Variants in NELFA observed in about 807,000 individuals in gnomAD.
NELFA encodes the protein negative elongation factor A.
A neutral mutation model predicts 51.8 loss-of-function variants in NELFA; 35 were observed. The ratio of observed to expected loss-of-function variants is 0.68; its 90% CI spans 0.52 to 0.90. The LOEUF (loss-of-function observed/expected upper bound fraction) is 0.90, where lower values mean the gene tolerates loss of function less well. Among genes scored for constraint, NELFA ranks in the 40% least tolerant of loss-of-function variants. The pLI is 0.00. For missense variants in NELFA, 658 were observed against 746.4 expected (o/e 0.88, Z 1.38); for synonymous variants, 417 against 338.4 (o/e 1.23, Z -2.55).
chr4:1,984,843 G>C lies in NELFA; in HGVS notation c.1001C>G (p.Ala334Gly). ...YLPSTPSVVP[A>G]SSYIPSSETP... ...CTCGGAGCTGGGGATGTAGGAGGAG[G>C]CGGGAACCACGCTGGGCGTGGAGGG... Residue 334 changes from alanine to glycine, a missense_variant, in exon 8 of 11, where the codon GCC becomes GGC. Coordinates refer to ENST00000382882, the MANE Select transcript of NELFA (RefSeq NM_005663.5). 1 of 1,573,596 alleles carries C rather than the reference G, an allele frequency of 6.4e-7. No individual in the cohort carries two copies. Among genetic ancestry groups the C allele is most frequent in the South Asian group, 1.2e-5 (1 of 85,256 alleles).
intron 9 of NELFA, 30 bp from the exon 10 acceptor site, chr4:1,983,725 G>C: frequency 8.1e-6 from 13 of 1,611,434 alleles, no homozygotes; most frequent in Non-Finnish European, 1.1e-5. Flanking sequence ...GTGGGTGCCA[G>C]GGCCCCGCCA....
intron 1 of NELFA, chr4:2,003,727 T>A (rs1728634585): frequency 6.6e-6 from 1 of 150,996 alleles, no homozygotes; most frequent in Non-Finnish European, 1.5e-5. Context: ...CACCAGGGCC[T>A]AATAGGGGTG....
In NELFA at chr4:1,991,655, G is replaced by C; in HGVS notation, c.271C>G (p.Leu91Val). Residue 91 changes from leucine to valine, a missense_variant, in exon 2 of 11, where the codon CTC (leucine) becomes GTC (valine). By Grantham distance (32) the Leu-to-Val change is conservative. Around this residue, in one of 3 missense-constraint regions of NELFA, gnomAD observed 371 missense variants for 448.3 expected, o/e 0.83. Transcript: ENST00000382882. ...LASLDSDPWV[L>V]MVADILKSFP... is the part of the protein sequence containing the mutation. ...GACTTCAAGATGTCGGCGACCATGA[G>C]CACCCAGGGGTCCGAGTCGAGGCTG... 6.2e-7 allele frequency: 1 copy of C among 1,613,810 alleles called. No homozygotes were observed. Among genetic ancestry groups the C allele is most frequent in the Non-Finnish European group, 8.5e-7 (1 of 1,179,926 alleles).
At chr4:2,002,146 G>A (rs1048777844) in intron 1 of NELFA, among the ~76,000 whole-genome samples, 2 of 151,892 alleles carry the variant, frequency 1.3e-5, no homozygotes, top group Non-Finnish European at 2.9e-5. Flanking sequence ...CTTGCAATGA[G>A]CCAAGATCGC....
At chr4:2,003,542 G>A (rs899545497) in intron 1 of NELFA, among the ~76,000 whole-genome samples, 10 of 152,288 alleles carry the variant, frequency 6.6e-5, no homozygotes, top group Admixed American at 2.6e-4. Flanking sequence ...GGAATACTAC[G>A]CAGCCATAAA....
At position 1,983,667 on chromosome 4, in the gene NELFA, A is replaced by G; in HGVS notation, c.1331T>C (p.Met444Thr). The change falls in exon 10 of 11, where the codon ATG becomes ACG. Residue 444 changes from methionine (M) to threonine (T), a missense_variant. Met to Thr is a moderately conservative substitution (Grantham distance 81, BLOSUM62 -1). This residue lies in a region of NELFA where 87 missense variants were observed against 130.2 expected (regional missense o/e 0.67). Coordinates refer to ENST00000382882, the MANE Select transcript of NELFA (RefSeq NM_005663.5). ...CGTGACTTTGTTGGCCGTCTTGAACATCTCCTGGGCAGCGAACATCTGCTC... is the reference window on the plus strand; with the variant it reads ...CGTGACTTTGTTGGCCGTCTTGAACGTCTCCTGGGCAGCGAACATCTGCTC... ...TREQMFAAQE[M>T]FKTANKVTRP... 6.2e-7 allele frequency: 1 copy of G among 1,614,022 alleles called. No homozygotes were observed.
chr4:1,991,293 G>A (rs1220619722), intron 2 of NELFA, among the ~76,000 whole-genome samples: 1 of 152,132 alleles, frequency 6.6e-6, no homozygotes, highest in South Asian at 2.1e-4. Flanking sequence ...GGCGAGTGGC[G>A]TGACACAGCC....
At chr4:2,002,528 AAC>A (rs1167526914) in intron 1 of NELFA, among the ~76,000 whole-genome samples, 7 of 152,210 alleles carry the variant, frequency 4.6e-5, no homozygotes, top group Non-Finnish European at 7.3e-5. Context: ...CTGGTACCAC[AAC>A]AGACCTACAG....
chr4:2,003,708 A>C (rs1239832016), intron 1 of NELFA: 1 of 152,174 alleles, frequency 6.6e-6, no homozygotes, highest in Non-Finnish European at 1.5e-5. Context: ...CAGAGAGGGG[A>C]ACAACACACA....
At chr4:2,008,285 G>A (rs983987518) in intron 1 of NELFA, among the ~76,000 whole-genome samples, 1 of 151,900 alleles carries the variant, frequency 6.6e-6, no homozygotes, top group African/African-American at 2.4e-5. Context: ...GAAGGCGGGG[G>A]AGGCGGGGGC....
chr4:2,001,671 G>C (rs975494981), intron 1 of NELFA, among the ~76,000 whole-genome samples: 7 of 152,240 alleles, frequency 4.6e-5, no homozygotes, highest in African/African-American at 1.2e-4. Flanking sequence ...GGGAGGCTGA[G>C]GCAGGCAGAT....
intron 7 of NELFA, 134 bp downstream of exon 7, chr4:1,985,642 T>C (rs1042208758): frequency 8.9e-6 from 6 of 674,586 alleles, no homozygotes; most frequent in Non-Finnish European, 1.5e-5. Context: ...TATACGTATA[T>C]ATACATAAAT....
At position 1,983,987 on chromosome 4, in the gene NELFA, G is replaced by A. The variant is rs370850254; in HGVS notation, c.1163C>T (p.Pro388Leu). Reference sequence around the variant, plus strand: ...TGTCAGAGGCGAGGTGGGCGCCGCAGGCGTGGGTGTGGCAGGGCTCAGGCC... The same window carrying A: ...TGTCAGAGGCGAGGTGGGCGCCGCAAGCGTGGGTGTGGCAGGGCTCAGGCC... Reference protein sequence around the residue: ...NSGLSPATPTPAAPTSPLTPT... With the variant: ...NSGLSPATPTLAAPTSPLTPT... Residue 388 changes from proline to leucine, a missense_variant, in exon 9 of 11, where the codon CCT becomes CTT. Around this residue, in one of 3 missense-constraint regions of NELFA, gnomAD observed 200 missense variants for 167.9 expected, o/e 1.19. Coordinates refer to ENST00000382882, the MANE Select transcript of NELFA (RefSeq NM_005663.5). 1 of 1,609,856 alleles carries A rather than the reference G, an allele frequency of 6.2e-7. No homozygotes were observed.
chr4:1,989,807 G>A lies in NELFA; in HGVS notation c.445C>T (p.Leu149=). 1 of 1,614,202 alleles carries A rather than the reference G, an allele frequency of 6.2e-7. No homozygotes were observed. Among genetic ancestry groups the A allele is most frequent in the Non-Finnish European group, 8.5e-7 (1 of 1,180,040 alleles). ...LECQYLNKNA[L]TTLAGPLTPP... ...GTGAGGGGTCCCGCGAGGGTCGTCA[G>A]GGCGTTTTTGTTCAAGTACTGGCAC... Residue 149 remains leucine (L), a synonymous_variant, in exon 3 of 11, where the codon CTG becomes TTG. Transcript: ENST00000382882. The surrounding 1 kb of genome is among the most constrained non-coding windows in gnomAD (Gnocchi z 4.8).
rs574248860 is a variant in NELFA, at chr4:1,998,347, CAAT to C, written c.211-6635_211-6633del. ...AGAAGATGGGTAATAAAAAAAAAAA[CAAT>C]GATGAACTAAAGGAGCATGTTCTAT... On this transcript the variant is annotated intron_variant, in intron 1 of 10. Coordinates refer to ENST00000382882, the MANE Select transcript of NELFA (RefSeq NM_005663.5). Among the ~76,000 whole-genome samples the C allele has an allele frequency of 1.1e-3, 173 of 151,090 alleles. 1 individual carries two copies. The highest frequency in any genetic ancestry group is 3.6e-3 in the African/African-American group (147 of 41,218).
intron 3 of NELFA, among the ~76,000 whole-genome samples, chr4:1,988,870 C>T (rs1219179663): frequency 2.0e-5 from 3 of 151,958 alleles, no homozygotes; most frequent in Non-Finnish European, 2.9e-5. Context: ...TGCCCAACAG[C>T]GTGACTCAGC....
chr4:1,997,454 G>C (rs1231080600), intron 1 of NELFA, among the ~76,000 whole-genome samples: 1 of 152,170 alleles, frequency 6.6e-6, no homozygotes, highest in Non-Finnish European at 1.5e-5. Context: ...GACCAATTTA[G>C]GTTTACCGCA....
At chr4:2,002,643 T>C (rs1560884159) in intron 1 of NELFA, among the ~76,000 whole-genome samples, 2 of 152,210 alleles carry the variant, frequency 1.3e-5, no homozygotes, top group Non-Finnish European at 2.9e-5. Context: ...AAGGATCTTC[T>C]ATTCAGTAAA....
intron 1 of NELFA, among the ~76,000 whole-genome samples, chr4:1,994,992 A>G (rs1039700582): frequency 6.6e-6 from 1 of 152,234 alleles, no homozygotes; most frequent in African/African-American, 2.4e-5. Context: ...GCCATGGGGC[A>G]CCTGGACAGT....
Sources: gnomAD v4.1 joint callset for allele counts (sites outside exome capture counted in the v4.1 genomes callset) on GRCh38, gnomAD v4.1.1 for gene constraint, gnomAD v4.1.1 regional missense constraint, Gnocchi (gnomAD v3.1) non-coding constraint, MANE v1.5 for transcripts, NCBI Gene and HGNC (gene_info 2026-07-23, HGNC 2026-07-21) for gene names.